ABLIM1: variants seen among roughly 807,000 people sequenced by gnomAD.
The protein encoded by ABLIM1 is actin-binding LIM protein 1.
In ABLIM1, 40 loss-of-function variants were observed where a neutral mutation model predicts 107.0. The ratio of observed to expected loss-of-function variants is 0.37; its 90% CI spans 0.29 to 0.49. The LOEUF (loss-of-function observed/expected upper bound fraction) is 0.49. Among genes scored for constraint, ABLIM1 ranks in the 20% least tolerant of loss-of-function variants. The probability of loss-of-function intolerance (pLI) is 0.97; values close to 1 mark genes in which losing one functional copy is unlikely to be tolerated. For synonymous variants in ABLIM1, 357 were observed against 357.3 expected (o/e 1.00, Z 0.01); for missense variants, 857 against 1,008.5 (o/e 0.85, Z 2.04).
intron 8 of ABLIM1, among the ~76,000 whole-genome samples, chr10:114,477,783 G>GC (rs1003105107): frequency 1.7e-4 from 26 of 152,072 alleles, no homozygotes; most frequent in African/African-American, 6.0e-4. Context: ...GAGTGCAGTG[G>GC]CATGATCTTG....
At position 114,545,005 on chromosome 10, in the gene ABLIM1, C is replaced by T. The variant is rs746727059; in HGVS notation, c.894G>A (p.Glu298=). The T allele has an allele frequency of 6.2e-7, 1 of 1,614,096 alleles. No individual in the cohort carries two copies. The highest frequency in any genetic ancestry group is 1.1e-5 in the South Asian group (1 of 91,082). The change falls in exon 6 of 23, where the codon GAG becomes GAA. Residue 298 remains glutamate, a splice_region_variant and synonymous_variant. Coordinates refer to ENST00000533213, the MANE Select transcript of ABLIM1 (RefSeq NM_002313.7). ...CHQFITGKVL[E]AGDKHYHPSC... is the part of the protein sequence containing the mutation. ...ATGAGGGAGCCGGTCTGCCACTTAC[C>T]TCCAGGACTTTCCCTGTGATAAACT... is the stretch of plus-strand genomic sequence containing the variant.
At chr10:114,753,207 T>G (rs1461295368) in intron 1 of ABLIM1, among the ~76,000 whole-genome samples, 1 of 152,078 alleles carries the variant, frequency 6.6e-6, no homozygotes, top group Non-Finnish European at 1.5e-5. Context: ...AATAAGCTGT[T>G]CCCAGCAAGG....
intron 7 of ABLIM1, 150 bp downstream of exon 7, chr10:114,491,641 G>T: frequency 1.6e-6 from 1 of 634,836 alleles, no homozygotes. Context: ...AATACTAACT[G>T]ATGAGGTAAC....
At chr10:114,557,839 A>T (rs1181501098) in intron 4 of ABLIM1, among the ~76,000 whole-genome samples, 1 of 9,346 alleles carries the variant, frequency 1.1e-4, no homozygotes, top group Non-Finnish European at 1.8e-4. Context: ...ATGACTCTCA[A>T]AAAAAAAAAA....
At position 114,547,666 on chromosome 10, in the gene ABLIM1, C is replaced by T. The variant is rs1481398168; in HGVS notation, c.784G>A (p.Gly262Arg). The T allele has an allele frequency of 6.2e-7, 1 of 1,613,634 alleles. No homozygotes were observed. Among genetic ancestry groups the T allele is most frequent in the African/African-American group, 1.3e-5 (1 of 74,934 alleles). Residue 262 changes from glycine to arginine, a missense_variant, in exon 5 of 23, where the codon GGG (glycine) becomes AGG (arginine). Coordinates refer to ENST00000533213, the MANE Select transcript of ABLIM1 (RefSeq NM_002313.7). ...CAGCCTTACTTGCTGATGTACTCCC[C>T]GGTGAGGACCTTCCCGCAGGACTTG... The part of the protein sequence containing the change: ...KCKSCGKVLT[G>R]EYISKDGAPY...
intron 6 of ABLIM1, among the ~76,000 whole-genome samples, chr10:114,510,657 T>TTA (rs956721432): frequency 7.2e-5 from 7 of 97,432 alleles, no homozygotes; most frequent in African/African-American, 1.1e-4. Context: ...TATTTTATTA[T>TTA]TTTTTTTTTT....
intron 19 of ABLIM1, among the ~76,000 whole-genome samples, chr10:114,440,368 T>A (rs1195240681): frequency 1.3e-5 from 2 of 152,172 alleles, no homozygotes; most frequent in East Asian, 1.9e-4. Context: ...CTGATCCCAA[T>A]GTTCATCACA....
At chr10:114,718,977 C>A (rs562536608) in intron 1 of ABLIM1, among the ~76,000 whole-genome samples, 1 of 152,254 alleles carries the variant, frequency 6.6e-6, no homozygotes, top group African/African-American at 2.4e-5. Context: ...TCAGAGGATG[C>A]CCTCATTGAA....
chr10:114,436,268 G>C lies in ABLIM1; in HGVS notation c.2329C>G (p.Leu777Val). The C allele has an allele frequency of 6.2e-7, 1 of 1,612,714 alleles. No individual in the cohort carries two copies. Among genetic ancestry groups the C allele is most frequent in the Non-Finnish European group, 8.5e-7 (1 of 1,178,788 alleles). The stretch of plus-strand genomic sequence containing the variant: ...CCATTCACGAGTGGGACTTAGAAGA[G>C]TTTTGCTTTTTTCTTCATGTCGTTG... Reference protein sequence around the residue: ...RRNDMKKKAKLF With the variant: ...RRNDMKKKAKVF Residue 777 changes from leucine to valine, a missense_variant, in exon 23 of 23, where the codon CTC becomes GTC. By Grantham distance (32) the Leu-to-Val change is conservative. Transcript: ENST00000533213.
At chr10:114,742,932 A>G (rs2082315228) in intron 1 of ABLIM1, among the ~76,000 whole-genome samples, 1 of 152,172 alleles carries the variant, frequency 6.6e-6, no homozygotes, top group South Asian at 2.1e-4. Context: ...CAAAAAAATA[A>G]AAAAATAAAA....
At chr10:114,699,587 G>A (rs1409708713) in intron 1 of ABLIM1, among the ~76,000 whole-genome samples, 2 of 151,862 alleles carry the variant, frequency 1.3e-5, no homozygotes, top group South Asian at 4.2e-4. Context: ...GGGGTAAGAA[G>A]GTATTATGTA....
intron 2 of ABLIM1, among the ~76,000 whole-genome samples, chr10:114,601,317 T>A (rs973313164): frequency 1.4e-4 from 21 of 150,574 alleles, no homozygotes; most frequent in African/African-American, 5.1e-4. Context: ...CAGGCTGGAG[T>A]GCAATGACAC....
intron 6 of ABLIM1, among the ~76,000 whole-genome samples, chr10:114,520,371 A>C (rs1345601902): frequency 2.0e-5 from 3 of 151,712 alleles, no homozygotes; most frequent in Non-Finnish European, 2.9e-5. Flanking sequence ...ATGTAGAAGA[A>C]CTCTGTCAGG....
intron 8 of ABLIM1, chr10:114,485,383 G>C (rs537868427): frequency 1.2e-6 from 2 of 1,610,346 alleles, no homozygotes; most frequent in African/African-American, 2.7e-5. Context: ...TTTGGCAGCT[G>C]CCATGAAACA....
At chr10:114,505,045 AC>A (rs1258694700) in intron 6 of ABLIM1, among the ~76,000 whole-genome samples, 1 of 152,152 alleles carries the variant, frequency 6.6e-6, no homozygotes, top group Non-Finnish European at 1.5e-5. Flanking sequence ...AGGAAGTTGG[AC>A]CCCAGAGGGA....
At chr10:114,766,891 G>A (rs920652520) in intron 1 of ABLIM1, among the ~76,000 whole-genome samples, 1 of 152,108 alleles carries the variant, frequency 6.6e-6, no homozygotes, top group Non-Finnish European at 1.5e-5. Flanking sequence ...GCATGAATAG[G>A]CAGGTAGTAT....
At chr10:114,617,886 G>C (rs2077228611) in intron 1 of ABLIM1, among the ~76,000 whole-genome samples, 1 of 152,198 alleles carries the variant, frequency 6.6e-6, no homozygotes, top group East Asian at 1.9e-4. Context: ...GTACAAGGCA[G>C]TAGGATCGCT....
At chr10:114,739,311 G>A (rs1329440429) in intron 1 of ABLIM1, among the ~76,000 whole-genome samples, 1 of 152,194 alleles carries the variant, frequency 6.6e-6, no homozygotes, top group Non-Finnish European at 1.5e-5. Context: ...TGGAGTGAGA[G>A]AAGCTGGGAA....
intron 1 of ABLIM1, among the ~76,000 whole-genome samples, chr10:114,626,994 G>C (rs1363219662): frequency 6.6e-6 from 1 of 152,088 alleles, no homozygotes; most frequent in Non-Finnish European, 1.5e-5. Context: ...CCCTCAGAAG[G>C]AACCATCTCA....
Sources: gnomAD v4.1 joint callset for allele counts (sites outside exome capture counted in the v4.1 genomes callset) on GRCh38, gnomAD v4.1.1 for gene constraint, MANE v1.5 for transcripts, NCBI Gene and HGNC (gene_info 2026-07-23, HGNC 2026-07-21) for gene names.